PXDNL: variants seen among roughly 807,000 people sequenced by gnomAD.
The protein encoded by PXDNL is peroxidasin like.
PXDNL carries 145 observed loss-of-function variants against 150.8 expected under a neutral mutation model. The ratio of observed to expected loss-of-function variants is 0.96; its 90% CI spans 0.84 to 1.10. The LOEUF (loss-of-function observed/expected upper bound fraction) is 1.10, where lower values mean the gene tolerates loss of function less well. PXDNL is among the 50% of genes least tolerant of loss of function. The probability of loss-of-function intolerance (pLI) is 0.00; values close to 1 mark genes in which losing one functional copy is unlikely to be tolerated. For missense variants in PXDNL, 2,087 were observed against 1,873.9 expected, an observed-to-expected ratio of 1.11 and a Z score of -2.10; for synonymous variants, 757 against 725.7, an observed-to-expected ratio of 1.04 and a Z score of -0.69.
At chr8:51,562,104 A>G (rs1019471120) in intron 3 of PXDNL, among the ~76,000 whole-genome samples, 33 of 151,450 alleles carry the variant, frequency 2.2e-4, no homozygotes, top group Non-Finnish European at 3.8e-4. Flanking sequence ...TTTCATATTT[A>G]TTTTTATTAT....
intron 3 of PXDNL, among the ~76,000 whole-genome samples, chr8:51,573,229 T>C (rs920882852): frequency 6.6e-6 from 1 of 151,972 alleles, no homozygotes; most frequent in Admixed American, 6.6e-5. Context: ...TGAGGCTATA[T>C]TGAGGCACCC....
At chr8:51,776,001 G>T (rs2037348908) in intron 1 of PXDNL, among the ~76,000 whole-genome samples, 1 of 152,122 alleles carries the variant, frequency 6.6e-6, no homozygotes, top group Non-Finnish European at 1.5e-5. Context: ...CTCTAAAATG[G>T]CCACTTTAGG....
At chr8:51,420,218 TG>T (rs1808910507) in intron 14 of PXDNL, among the ~76,000 whole-genome samples, 2 of 152,310 alleles carry the variant, frequency 1.3e-5, no homozygotes, top group South Asian at 4.1e-4. Flanking sequence ...AATAACTAAG[TG>T]GGGGCATCAA....
intron 14 of PXDNL, among the ~76,000 whole-genome samples, chr8:51,418,152 A>T (rs144057991): frequency 5.9e-5 from 9 of 152,330 alleles, no homozygotes; most frequent in African/African-American, 2.2e-4. Context: ...CCTTTAACAT[A>T]AAGCTAATAC....
At chr8:51,790,138 A>C (rs1365695373) in intron 1 of PXDNL, among the ~76,000 whole-genome samples, 1 of 152,160 alleles carries the variant, frequency 6.6e-6, no homozygotes, top group African/African-American at 2.4e-5. Flanking sequence ...ATGGGAAAAG[A>C]AAACAAAATT....
At chr8:51,341,850 G>A (rs551767146) in intron 20 of PXDNL, among the ~76,000 whole-genome samples, 3 of 152,296 alleles carry the variant, frequency 2.0e-5, no homozygotes, top group African/African-American at 7.2e-5. Flanking sequence ...ATTATACAAC[G>A]TTGGTGGAAA....
At chr8:51,386,987 G>A (rs921548764) in intron 17 of PXDNL, among the ~76,000 whole-genome samples, 5 of 151,992 alleles carry the variant, frequency 3.3e-5, no homozygotes. Context: ...TTTTTTTCCA[G>A]TCTTATGAAG....
At chr8:51,328,215 G>T (rs1805578013) in intron 21 of PXDNL, among the ~76,000 whole-genome samples, 1 of 152,220 alleles carries the variant, frequency 6.6e-6, no homozygotes, top group African/African-American at 2.4e-5. Context: ...CAAGATTTTG[G>T]ACTGTCCAGC....
intron 19 of PXDNL, among the ~76,000 whole-genome samples, chr8:51,356,531 AG>A (rs1192885474): frequency 6.6e-6 from 1 of 151,680 alleles, no homozygotes; most frequent in Non-Finnish European, 1.5e-5. Flanking sequence ...TACCTAAGAT[AG>A]CTAAGGAAAG....
At chr8:51,680,589 T>C (rs946315488) in intron 1 of PXDNL, among the ~76,000 whole-genome samples, 3 of 152,138 alleles carry the variant, frequency 2.0e-5, no homozygotes, top group African/African-American at 7.2e-5. Context: ...CAAACACAAA[T>C]TTACTTTTAT....
At chr8:51,569,681 A>G (rs1206677179) in intron 3 of PXDNL, among the ~76,000 whole-genome samples, 1 of 151,866 alleles carries the variant, frequency 6.6e-6, no homozygotes, top group Non-Finnish European at 1.5e-5. Context: ...TACTCATCAT[A>G]TTTTTTTCAA....
In PXDNL at chr8:51,343,896, T is replaced by C. The variant is rs568796175; in HGVS notation, c.4016+1937A>G. 7.9e-5 allele frequency among the ~76,000 whole-genome samples: 12 copies of C among 152,308 alleles called. No homozygotes were observed. The East Asian group carries it at 2.3e-3, about 29-fold the overall frequency. On this transcript the variant is annotated intron_variant, in intron 20 of 22. Transcript: ENST00000356297. The stretch of plus-strand genomic sequence containing the variant: ...CACTCAAATTATTTAAAAATGGTTC[T>C]CACTAGGACTCCAACTCCTGATCAG...
intron 19 of PXDNL, among the ~76,000 whole-genome samples, chr8:51,369,655 A>AAT (rs1257173715): frequency 2.0e-5 from 3 of 151,124 alleles, no homozygotes; most frequent in Admixed American, 1.3e-4. Flanking sequence ...TAGTGCCATA[A>AAT]AAAAAAAAAC....
chr8:51,424,526 A>T (rs201426212), intron 13 of PXDNL, among the ~76,000 whole-genome samples: 6 of 96,382 alleles, frequency 6.2e-5, no homozygotes, highest in African/African-American at 3.0e-4. Flanking sequence ...TATGTGTATT[A>T]TATATATATA....
intron 3 of PXDNL, among the ~76,000 whole-genome samples, chr8:51,592,196 A>T (rs1478838043): frequency 6.6e-6 from 1 of 152,216 alleles, no homozygotes; most frequent in Non-Finnish European, 1.5e-5. Flanking sequence ...ACCCAAGTTT[A>T]TTAAAGTTCC....
intron 4 of PXDNL, among the ~76,000 whole-genome samples, chr8:51,520,203 A>G (rs7841155): frequency 0.19 from 28,767 of 152,164 alleles, 3,163 homozygotes; most frequent in African/African-American, 0.3. Context: ...TCACAGAATT[A>G]AAGTCTCAAC....
At chr8:51,362,895 G>A (rs990659896) in intron 19 of PXDNL, among the ~76,000 whole-genome samples, 4 of 152,140 alleles carry the variant, frequency 2.6e-5, no homozygotes, top group Non-Finnish European at 5.9e-5. Context: ...TTAAATTGTT[G>A]GCAAAATATG....
Position 51,601,489 on chromosome 8 carries a change from C to T in PXDNL, c.237-8791G>A, listed in dbSNP as rs111490512. 2.1e-3 allele frequency among the ~76,000 whole-genome samples: 324 copies of T among 152,024 alleles called. 2 individuals are homozygous for T. Among genetic ancestry groups the T allele is most frequent in the African/African-American group, 7.5e-3 (312 of 41,544 alleles). ...ATTATGTAATGCCCTTCTTTGTCTT[C>T]ATTTTACTGTTGTTGATTTAATCTC... On this transcript the variant is annotated intron_variant, in intron 2 of 22. Transcript: ENST00000356297.
chr8:51,626,452 G>T (rs893009430), intron 2 of PXDNL, among the ~76,000 whole-genome samples: 1 of 152,162 alleles, frequency 6.6e-6, no homozygotes, highest in Non-Finnish European at 1.5e-5. Flanking sequence ...CAGTTTGGCT[G>T]ACTTGCAGAG....
Sources: gnomAD v4.1 joint callset for allele counts (sites outside exome capture counted in the v4.1 genomes callset) on GRCh38, gnomAD v4.1.1 for gene constraint, MANE v1.5 for transcripts, NCBI Gene and HGNC (gene_info 2026-07-23, HGNC 2026-07-21) for gene names.